Variants in TFAP2D observed in about 807,000 individuals in gnomAD.
TFAP2D encodes transcription factor AP-2 delta.
A neutral mutation model predicts 43.6 loss-of-function variants in TFAP2D; 9 were observed. That is an observed-to-expected ratio of 0.21 (90% CI 0.12 to 0.36). TFAP2D has a LOEUF of 0.36. Among genes scored for constraint, TFAP2D ranks in the 10% least tolerant of loss-of-function variants. The pLI, the probability that TFAP2D is intolerant of heterozygous loss-of-function variation, is 1.00. For missense variants in TFAP2D, 513 were observed against 561.4 expected, an observed-to-expected ratio of 0.91 and a Z score of 0.87; for synonymous variants, 256 against 224.9, an observed-to-expected ratio of 1.14 and a Z score of -1.24.
At chr6:50,714,684 C>T (rs1189106437) in intron 1 of TFAP2D, among the ~76,000 whole-genome samples, 1 of 152,138 alleles carries the variant, frequency 6.6e-6, no homozygotes, top group Non-Finnish European at 1.5e-5. Flanking sequence ...GTTAGAGTGG[C>T]AAGGCGCCCC....
At chr6:50,763,949 A>G (rs570627503) in intron 7 of TFAP2D, among the ~76,000 whole-genome samples, 1 of 152,298 alleles carries the variant, frequency 6.6e-6, no homozygotes, top group Non-Finnish European at 1.5e-5. Context: ...AACCAACTGT[A>G]AGCCTGAAAA....
chr6:50,732,440 G>A (rs1481343870), intron 5 of TFAP2D, among the ~76,000 whole-genome samples: 1 of 152,006 alleles, frequency 6.6e-6, no homozygotes, highest in Non-Finnish European at 1.5e-5. Context: ...CATTACTGGG[G>A]TTCAATCATA....
chr6:50,715,075 T>C lies in TFAP2D; in HGVS notation c.40-41T>C, dbSNP rs764308578. The C allele has an allele frequency of 8.8e-6, 14 of 1,590,292 alleles. No individual in the cohort carries two copies. In the South Asian group the frequency reaches 1.2e-4, roughly 14 times the overall value. ...CGCCTTGGTTGCAAAATGACAAACC[T>C]CAAGTTTTTCTGCTCTCCCTTTTCC... On this transcript the variant is annotated intron_variant, in intron 1 of 7. Coordinates refer to ENST00000008391, the MANE Select transcript of TFAP2D (RefSeq NM_172238.4).
chr6:50,720,725 T>G lies in TFAP2D; in HGVS notation c.598+1575T>G, dbSNP rs531607744. ...CAGGGGACCAGGTGAGATGTGCTGA[T>G]CAGGGGTCTGTTGGGACGGGTAAAA... On this transcript the variant is annotated intron_variant, in intron 3 of 7. Transcript: ENST00000008391. 3.9e-5 allele frequency among the ~76,000 whole-genome samples: 6 copies of G among 152,206 alleles called. No homozygotes were observed. In the South Asian group the frequency reaches 1.2e-3, roughly 32 times the overall value.
intron 7 of TFAP2D, among the ~76,000 whole-genome samples, chr6:50,751,909 A>T (rs1769206214): frequency 6.6e-6 from 1 of 151,988 alleles, no homozygotes; most frequent in Non-Finnish European, 1.5e-5. Context: ...ATTGTTAGGA[A>T]ATCATTACTT....
At chr6:50,739,064 G>A (rs1307212507) in intron 5 of TFAP2D, among the ~76,000 whole-genome samples, 2 of 152,124 alleles carry the variant, frequency 1.3e-5, no homozygotes, top group Non-Finnish European at 2.9e-5. Context: ...AATTGATACG[G>A]GGTGAAACAC....
intron 5 of TFAP2D, among the ~76,000 whole-genome samples, chr6:50,735,054 G>A (rs1046803071): frequency 2.6e-5 from 4 of 152,074 alleles, no homozygotes; most frequent in East Asian, 1.9e-4. Context: ...ATAAGGTGGT[G>A]TTAAAAAATA....
At chr6:50,746,692 C>A (rs1272599627) in intron 6 of TFAP2D, among the ~76,000 whole-genome samples, 2 of 152,170 alleles carry the variant, frequency 1.3e-5, no homozygotes, top group African/African-American at 4.8e-5. Flanking sequence ...TAAATATTCT[C>A]TTTTCTACCA....
chr6:50,767,429 T>C (rs995960980), intron 7 of TFAP2D, among the ~76,000 whole-genome samples: 2 of 152,232 alleles, frequency 1.3e-5, no homozygotes, highest in African/African-American at 4.8e-5. Context: ...GTTATTCCCA[T>C]TCCTCTTCCT....
intron 7 of TFAP2D, among the ~76,000 whole-genome samples, chr6:50,768,380 C>T (rs1433392221): frequency 7.0e-6 from 1 of 143,154 alleles, no homozygotes; most frequent in Non-Finnish European, 1.5e-5. Context: ...GTTGCCCAGC[C>T]TGGAGTGCAA....
chr6:50,733,975 T>G (rs1460994640), intron 5 of TFAP2D, among the ~76,000 whole-genome samples: 1 of 149,596 alleles, frequency 6.7e-6, no homozygotes, highest in African/African-American at 2.5e-5. Flanking sequence ...TCTCTGTCTC[T>G]CTTTCTGTGT....
At chr6:50,718,759 T>C (rs1410669873) in intron 2 of TFAP2D, among the ~76,000 whole-genome samples, 1 of 152,210 alleles carries the variant, frequency 6.6e-6, no homozygotes, top group Non-Finnish European at 1.5e-5. Flanking sequence ...GAGTGTACAC[T>C]GTCTGTATAT....
intron 2 of TFAP2D, among the ~76,000 whole-genome samples, chr6:50,717,727 C>A (rs1768650716): frequency 6.6e-6 from 1 of 152,106 alleles, no homozygotes; most frequent in African/African-American, 2.4e-5. Context: ...TGCTATGTAG[C>A]AAGTTTGTAA....
intron 7 of TFAP2D, among the ~76,000 whole-genome samples, chr6:50,762,403 C>T (rs1360743751): frequency 1.3e-5 from 2 of 151,988 alleles, no homozygotes; most frequent in Non-Finnish European, 2.9e-5. Flanking sequence ...ACACACTACA[C>T]ACACGAGTGC....
At chr6:50,767,643 A>C (rs747569520) in intron 7 of TFAP2D, among the ~76,000 whole-genome samples, 6 of 152,222 alleles carry the variant, frequency 3.9e-5, no homozygotes, top group Non-Finnish European at 8.8e-5. Context: ...TTTCATCAGT[A>C]TCATCAAAGA....
At chr6:50,747,246 CAT>C (rs1452049262) in intron 6 of TFAP2D, among the ~76,000 whole-genome samples, 1 of 152,002 alleles carries the variant, frequency 6.6e-6, no homozygotes, top group East Asian at 1.9e-4. Flanking sequence ...GCTGAAAGCA[CAT>C]ATAGTTAGTT....
At chr6:50,765,914 G>A (rs1769435034) in intron 7 of TFAP2D, among the ~76,000 whole-genome samples, 1 of 151,998 alleles carries the variant, frequency 6.6e-6, no homozygotes, top group Admixed American at 6.6e-5. Flanking sequence ...CTGTGCTTTA[G>A]GTGTCATGTC....
At chr6:50,737,937 G>A (rs1470618643) in intron 5 of TFAP2D, among the ~76,000 whole-genome samples, 1 of 152,066 alleles carries the variant, frequency 6.6e-6, no homozygotes, top group Non-Finnish European at 1.5e-5. Context: ...TCTAGGAATG[G>A]CGTTGCAGGG....
chr6:50,727,919 G>A (rs769932046), intron 3 of TFAP2D, among the ~76,000 whole-genome samples: 2 of 152,120 alleles, frequency 1.3e-5, no homozygotes, highest in Non-Finnish European at 2.9e-5. Flanking sequence ...TCTCAGAGAT[G>A]ATCACCTTTG....
Sources: gnomAD v4.1 joint callset for allele counts (sites outside exome capture counted in the v4.1 genomes callset) on GRCh38, gnomAD v4.1.1 for gene constraint, MANE v1.5 for transcripts, NCBI Gene and HGNC (gene_info 2026-07-23, HGNC 2026-07-21) for gene names.